The following CCDC171 variants were observed in gnomAD, a reference collection of about 807,000 sequenced individuals.
CCDC171 encodes coiled-coil domain containing 171.
CCDC171 carries 177 observed loss-of-function variants against 168.2 expected under a neutral mutation model. The ratio of observed to expected loss-of-function variants is 1.05; its 90% CI spans 0.93 to 1.19. CCDC171 has a LOEUF of 1.19. Among genes scored for constraint, CCDC171 ranks in the 50% most tolerant of loss-of-function variants. CCDC171 has a pLI of 0.00. For synonymous variants in CCDC171, 687 were observed against 540.8 expected, an observed-to-expected ratio of 1.27 and a Z score of -3.75; for missense variants, 1,991 against 1,539.0, an observed-to-expected ratio of 1.29 and a Z score of -4.91.
At chr9:15,984,637 T>C (rs1441253363) in intron 3 of CCDC171, among the ~76,000 whole-genome samples, 2 of 152,180 alleles carry the variant, frequency 1.3e-5, no homozygotes, top group Admixed American at 6.6e-5. Flanking sequence ...ATAAATCTTA[T>C]ATTCATTTAA....
intron 24 of CCDC171, among the ~76,000 whole-genome samples, chr9:15,905,735 C>G (rs1449905210): frequency 3.9e-5 from 6 of 152,198 alleles, no homozygotes; most frequent in East Asian, 1.9e-4. Context: ...AATCCAGGAG[C>G]TGGTTTTTTG....
At chr9:15,613,772 C>G (rs1019498301) in intron 6 of CCDC171, among the ~76,000 whole-genome samples, 1 of 152,114 alleles carries the variant, frequency 6.6e-6, no homozygotes, top group Non-Finnish European at 1.5e-5. Context: ...ATCTGCCCGC[C>G]TCGGCCTCCC....
intron 25 of CCDC171, among the ~76,000 whole-genome samples, chr9:15,927,547 T>G (rs1196528476): frequency 1.3e-5 from 2 of 151,786 alleles, no homozygotes; most frequent in African/African-American, 4.8e-5. Context: ...TTTTTAATTT[T>G]ATAGGACTTT....
At chr9:15,624,541 C>T (rs1179879868) in intron 7 of CCDC171, among the ~76,000 whole-genome samples, 1 of 152,112 alleles carries the variant, frequency 6.6e-6, no homozygotes, top group Non-Finnish European at 1.5e-5. Flanking sequence ...CAATTCTCAC[C>T]TATGAGTGAG....
Position 15,675,192 on chromosome 9 carries a change from T to TG in CCDC171, c.1077-3566_1077-3565insG, listed in dbSNP as rs1428349018. On this transcript the variant is annotated intron_variant, in intron 9 of 25. Transcript: ENST00000380701. ...AGACTAGGATTGCAACTCCTGTTTT[T>TG]TTTTTTTTTTTTTTTTGCTTTCCAT... Among the ~76,000 whole-genome samples the TG allele has an allele frequency of 3.5e-5, 5 of 143,978 alleles. No individual in the cohort carries two copies. In the East Asian group the frequency reaches 1.0e-3, roughly 29 times the overall value. The allele number at this position is 143,978 out of a possible 152,430, so 94.5% of individuals were successfully genotyped here.
chr9:15,588,415 T>C (rs1470729000), intron 4 of CCDC171: 1 of 285,784 alleles, frequency 3.5e-6, no homozygotes, highest in Non-Finnish European at 7.2e-6. Flanking sequence ...ACAGAGAAGA[T>C]CTGCAAGGTT....
At chr9:16,007,654 T>C (rs923205382) in intron 3 of CCDC171, among the ~76,000 whole-genome samples, 1 of 152,222 alleles carries the variant, frequency 6.6e-6, no homozygotes, top group Non-Finnish European at 1.5e-5. Context: ...TACATATGGC[T>C]AGCCAGTTTT....
intron 21 of CCDC171, chr9:15,845,540 A>G (rs1489936350): frequency 1.3e-5 from 2 of 152,026 alleles, no homozygotes; most frequent in African/African-American, 2.4e-5. Flanking sequence ...TTTTTATACT[A>G]TTCTTTTTTT....
intron 3 of CCDC171, among the ~76,000 whole-genome samples, chr9:15,573,364 C>A (rs1441954356): frequency 6.6e-6 from 1 of 152,166 alleles, no homozygotes; most frequent in African/African-American, 2.4e-5. Flanking sequence ...CAACCACTGC[C>A]TCCAGGTTCA....
intron 7 of CCDC171, among the ~76,000 whole-genome samples, chr9:15,646,925 C>T (rs2047086557): frequency 6.6e-6 from 1 of 152,194 alleles, no homozygotes; most frequent in African/African-American, 2.4e-5. Flanking sequence ...CAGAACTCTC[C>T]ACCCCAAATC....
chr9:15,744,501 A>T lies in CCDC171; in HGVS notation c.2278A>T (p.Asn760Tyr). The T allele has an allele frequency of 6.2e-7, 1 of 1,614,220 alleles. No individual in the cohort carries two copies. Among genetic ancestry groups the T allele is most frequent in the Non-Finnish European group, 8.5e-7 (1 of 1,180,030 alleles). ...GAGAGATTTTCTCCAGGAGCAGGTC[A>T]ACACCTTTGAGTTGTTCAAACTGGA... ...TQRDFLQEQV[N>Y]TFELFKLEIR... Residue 760 changes from asparagine (N) to tyrosine (Y), a missense_variant, in exon 17 of 26, where the codon AAC becomes TAC. By Grantham distance (143) the Asn-to-Tyr change is moderately radical. Transcript: ENST00000380701.
At chr9:15,953,608 A>G (rs1302335816) in intron 25 of CCDC171, among the ~76,000 whole-genome samples, 1 of 152,044 alleles carries the variant, frequency 6.6e-6, no homozygotes, top group East Asian at 1.9e-4. Context: ...TTGGGTCTAT[A>G]TTCACTGGGG....
intron 24 of CCDC171, among the ~76,000 whole-genome samples, chr9:15,900,210 C>T (rs748548487): frequency 3.3e-5 from 5 of 152,132 alleles, no homozygotes; most frequent in Non-Finnish European, 7.3e-5. Context: ...CCTGGATGGG[C>T]CTGACCTAAT....
chr9:15,801,382 ATGGGATTACTT>A (rs2058812783), intron 21 of CCDC171, among the ~76,000 whole-genome samples: 1 of 152,018 alleles, frequency 6.6e-6, no homozygotes, highest in South Asian at 2.1e-4. Context: ...GCTATGGTAA[ATGGGATTACTT>A]TTTTTATTGT....
intron 21 of CCDC171, among the ~76,000 whole-genome samples, chr9:15,825,621 A>G (rs192212328): frequency 1.3e-5 from 2 of 152,104 alleles, no homozygotes; most frequent in Non-Finnish European, 2.9e-5. Context: ...GGATTGCCCA[A>G]CTTCATTACC....
intron 7 of CCDC171, among the ~76,000 whole-genome samples, chr9:15,631,616 T>G (rs766234669): frequency 3.7e-4 from 57 of 152,184 alleles, no homozygotes; most frequent in Non-Finnish European, 7.1e-4. Flanking sequence ...TACCATTCCT[T>G]CTGAAACTAT....
intron 20 of CCDC171, among the ~76,000 whole-genome samples, chr9:15,781,925 G>T (rs138024737): frequency 2.6e-5 from 4 of 152,014 alleles, no homozygotes; most frequent in Non-Finnish European, 5.9e-5. Flanking sequence ...TAAGTAGCTT[G>T]CCTGGAGTCA....
At chr9:16,068,631 C>G in the CCDC171 span, among the ~76,000 whole-genome samples, 4 of 152,174 alleles carry the variant, frequency 2.6e-5, no homozygotes, top group Admixed American at 6.5e-5. Context: ...TGGTGCCTTC[C>G]TCAGCATGGG....
chr9:15,924,440 C>CAAAAAAAAA (rs34003715), intron 25 of CCDC171, among the ~76,000 whole-genome samples: 1 of 140,440 alleles, frequency 7.1e-6, no homozygotes. Context: ...CACACTTAGT[C>CAAAAAAAAA]AAAAAAAAAA....
Sources: gnomAD v4.1 joint callset for allele counts (sites outside exome capture counted in the v4.1 genomes callset) on GRCh38, gnomAD v4.1.1 for gene constraint, MANE v1.5 for transcripts, NCBI Gene and HGNC (gene_info 2026-07-23, HGNC 2026-07-21) for gene names.